The following MYH1 variants were observed in gnomAD, a reference collection of about 807,000 sequenced individuals.
The protein encoded by MYH1 is myosin heavy chain 1, also known as myosin-1.
A neutral mutation model predicts 225.6 loss-of-function variants in MYH1; 214 were observed. The observed-to-expected ratio is 0.95, with a 90% CI of 0.85 to 1.06. MYH1 has a LOEUF of 1.06. MYH1 is among the 50% of genes least tolerant of loss of function. MYH1 has a pLI of 0.00. For missense variants in MYH1, 2,098 were observed against 2,344.2 expected, an observed-to-expected ratio of 0.89 and a Z score of 2.17; for synonymous variants, 774 against 842.3, an observed-to-expected ratio of 0.92 and a Z score of 1.40.
At chr17:10,509,744 C>T in intron 14 of MYH1, 89 bp from the exon 15 acceptor site, 1 of 1,608,006 alleles carries the variant, frequency 6.2e-7, no homozygotes, top group Non-Finnish European at 8.5e-7. Context: ...CCAAATTGCC[C>T]TCTTAGGATG....
intron 19 of MYH1, 80 bp downstream of exon 19, chr17:10,505,732 G>GTA (rs1219343045): frequency 3.2e-6 from 5 of 1,559,010 alleles, no homozygotes; most frequent in Non-Finnish European, 4.4e-6. Context: ...TTAAGAGGAG[G>GTA]TATAAAGGAT....
intron 9 of MYH1, 29 bp from the exon 10 acceptor site, chr17:10,512,994 G>A (rs762970547): frequency 2.9e-5 from 43 of 1,493,962 alleles, no homozygotes; most frequent in Middle Eastern, 2.2e-4. Context: ...ATCAGATTAT[G>A]GGGAAAAATT....
chr17:10,495,680 G>A (rs1370593245), intron 35 of MYH1, among the ~76,000 whole-genome samples: 2 of 148,366 alleles, frequency 1.3e-5, no homozygotes, highest in African/African-American at 2.5e-5. Context: ...AGAATGGCGT[G>A]AGCCCGGGAG....
Position 10,513,991 on chromosome 17 carries a change from G to A in MYH1, c.648+19C>T. 6.2e-7 allele frequency: 1 copy of A among 1,614,034 alleles called. No homozygotes were observed. The highest frequency in any genetic ancestry group is 8.5e-7 in the Non-Finnish European group (1 of 1,179,930). The stretch of plus-strand genomic sequence containing the variant: ...AGAGTCCCGACAGAGCCTGGATTCT[G>A]ACTAACAATCAGACTCACCTGCATT... On this transcript the variant is annotated intron_variant, in intron 7 of 39. Coordinates refer to ENST00000226207, the MANE Select transcript of MYH1 (RefSeq NM_005963.4).
intron 14 of MYH1, among the ~76,000 whole-genome samples, 153 bp downstream of exon 14, chr17:10,511,686 G>A (rs545136549): frequency 1.3e-5 from 2 of 152,236 alleles, no homozygotes; most frequent in African/African-American, 2.4e-5. Flanking sequence ...TTCCTTTCAC[G>A]GTCTTTTGGT....
At chr17:10,508,720 T>C (rs1160466257) in intron 15 of MYH1, 48 bp from the exon 16 acceptor site, 3 of 1,589,298 alleles carry the variant, frequency 1.9e-6, no homozygotes, top group South Asian at 2.3e-5. Context: ...TGTCTGCTTA[T>C]AGAAATAACA....
Position 10,496,148 on chromosome 17 carries a change from G to A in MYH1, c.4971C>T (p.Thr1657=), listed in dbSNP as rs377042832. The A allele has an allele frequency of 2.3e-4, 366 of 1,614,002 alleles. No individual in the cohort carries two copies. Among genetic ancestry groups the A allele is most frequent in the Non-Finnish European group, 3.0e-4 (354 of 1,180,042 alleles). The change falls in exon 35 of 40, where the codon ACC becomes ACT. Residue 1657 remains threonine (T), a synonymous_variant. Coordinates refer to ENST00000226207, the MANE Select transcript of MYH1 (RefSeq NM_005963.4). ...GGAGAGCATCATCCAGGTGGAGCTGGGTATCCTGTGGAACAAACCGTCATT... is the reference window on the plus strand; with the variant it reads ...GGAGAGCATCATCCAGGTGGAGCTGAGTATCCTGTGGAACAAACCGTCATT... The part of the protein sequence containing the change: ...YRNTQAILKD[T]QLHLDDALRS...
At chr17:10,512,620 T>C (rs1403880059) in intron 11 of MYH1, 61 bp downstream of exon 11, 4 of 1,610,866 alleles carry the variant, frequency 2.5e-6, no homozygotes, top group Non-Finnish European at 3.4e-6. Flanking sequence ...CACATATAGA[T>C]GGCTGTTATT....
intron 19 of MYH1, 84 bp downstream of exon 19, chr17:10,505,728 G>A: frequency 6.5e-7 from 1 of 1,541,002 alleles, no homozygotes. Flanking sequence ...AATTTTAAGA[G>A]GAGGTATAAA....
chr17:10,508,811 G>A, intron 15 of MYH1, 139 bp from the exon 16 acceptor site: 1 of 1,296,850 alleles, frequency 7.7e-7, no homozygotes, highest in South Asian at 1.6e-5. Context: ...CCTTTGGTCA[G>A]AAGTCATTAA....
At position 10,516,474 on chromosome 17, in the gene MYH1, C is replaced by T; in HGVS notation, c.169G>A (p.Gly57Arg). The T allele has an allele frequency of 2.5e-6, 4 of 1,614,220 alleles. No homozygotes were observed. Among genetic ancestry groups the T allele is most frequent in the African/African-American group, 1.3e-5 (1 of 75,052 alleles). The change falls in exon 3 of 40, where the codon GGG becomes AGG. Residue 57 changes from glycine to arginine, a missense_variant. Gly to Arg is a moderately radical substitution (Grantham distance 125). Transcript: ENST00000226207. ...FVKATVQSRE[G>R]GKVTAKTEAG... ...TCGGTCTTAGCTGTCACCTTCCCCC[C>T]TTCCCTGCTCTGCACTGTTGCTTTC... is the stretch of plus-strand genomic sequence containing the variant.
chr17:10,496,396 T>A lies in MYH1; in HGVS notation c.4810A>T (p.Thr1604Ser), dbSNP rs768144139. ...HIRIVESMQS[T>S]LDAEIRSRND... The stretch of plus-strand genomic sequence containing the variant: ...CTGCTCCTGATCTCAGCATCCAGTG[T>A]GCTCTGCATGGACTCCACGATTCTA... The change falls in exon 34 of 40, where the codon ACA (threonine) becomes TCA (serine). Residue 1604 changes from threonine (T) to serine (S), a missense_variant. Thr to Ser is a moderately conservative substitution (Grantham distance 58, BLOSUM62 1). Transcript: ENST00000226207. 6.2e-6 allele frequency: 10 copies of A among 1,614,012 alleles called. No individual in the cohort carries two copies. Among genetic ancestry groups the A allele is most frequent in the Non-Finnish European group, 8.5e-6 (10 of 1,180,026 alleles).
intron 5 of MYH1, 59 bp downstream of exon 5, chr17:10,515,867 A>C: frequency 6.2e-7 from 1 of 1,612,098 alleles, no homozygotes; most frequent in Non-Finnish European, 8.5e-7. Flanking sequence ...TTTTAGTTCT[A>C]ATATTTTGTG....
chr17:10,507,997 T>G, intron 16 of MYH1, 41 bp from the exon 17 acceptor site: 57 of 1,459,694 alleles, frequency 3.9e-5, no homozygotes, highest in Non-Finnish European at 5.3e-5. Flanking sequence ...AGCCTTTCTC[T>G]GGTTATGGTT....
intron 5 of MYH1, 95 bp downstream of exon 5, chr17:10,515,831 A>C (rs1170025555): frequency 6.3e-7 from 1 of 1,595,436 alleles, no homozygotes; most frequent in African/African-American, 1.3e-5. Flanking sequence ...CAGGGGCGTG[A>C]ATTGGGTTTT....
Position 10,497,071 on chromosome 17 carries a change from C to T in MYH1, c.4654G>A (p.Glu1552Lys), listed in dbSNP as rs748716200. Residue 1552 changes from glutamate (E) to lysine (K), a missense_variant and splice_region_variant, in exon 33 of 40, where the codon GAG (glutamate) becomes AAG (lysine). Physicochemically the swap from Glu to Lys is moderately conservative, Grantham distance 56 (BLOSUM62 1). Coordinates refer to ENST00000226207, the MANE Select transcript of MYH1 (RefSeq NM_005963.4). The stretch of plus-strand genomic sequence containing the variant: ...AGAGTATGCAATAAAATGCTTACCT[C>T]TGCCTCCTCTAAGGCAGCCTGAAGT... Reference protein sequence around the residue: ...SELQAALEEAEASLEHEEGKI... With the variant: ...SELQAALEEAKASLEHEEGKI... 1.9e-5 allele frequency: 31 copies of T among 1,613,528 alleles called. No homozygotes were observed. Among genetic ancestry groups the T allele is most frequent in the Non-Finnish European group, 2.5e-5 (29 of 1,179,936 alleles).
At position 10,496,496 on chromosome 17, in the gene MYH1, G is replaced by C. The variant is rs1597434709; in HGVS notation, c.4710C>G (p.Asn1570Lys). The change falls in exon 34 of 40, where the codon AAC becomes AAG. Residue 1570 changes from asparagine to lysine, a missense_variant. Asn to Lys is a moderately conservative substitution (Grantham distance 94, BLOSUM62 0). Transcript: ENST00000226207. Reference protein sequence around the residue: ...GKILRIQLELNQVKSEVDRKI... With the variant: ...GKILRIQLELKQVKSEVDRKI... Reference sequence around the variant, plus strand: ...TCCTATCAACCTCAGACTTGACTTGGTTCAACTCAAGCTGGATGCGCAGGA... The same window carrying C: ...TCCTATCAACCTCAGACTTGACTTGCTTCAACTCAAGCTGGATGCGCAGGA... The C allele has an allele frequency of 6.2e-7, 1 of 1,613,988 alleles. No homozygotes were observed. The highest frequency in any genetic ancestry group is 2.2e-5 in the East Asian group (1 of 44,864).
intron 2 of MYH1, 100 bp from the exon 3 acceptor site, chr17:10,516,782 A>T: frequency 9.9e-7 from 1 of 1,013,428 alleles, no homozygotes. Flanking sequence ...TTGAGTGCTT[A>T]GCATTGCATT....
chr17:10,511,072 C>T (rs951963151), intron 14 of MYH1, among the ~76,000 whole-genome samples: 2 of 151,676 alleles, frequency 1.3e-5, no homozygotes, highest in African/African-American at 2.4e-5. Context: ...TTTCTTTCCA[C>T]GTTGGCTTGG....
Sources: allele counts gnomAD v4.1 joint callset (sites outside exome capture counted in the v4.1 genomes callset), GRCh38; gene constraint gnomAD v4.1.1; transcripts MANE v1.5; gene names NCBI Gene and HGNC (gene_info 2026-07-23, HGNC 2026-07-21).